The following RYR1 variants were observed in gnomAD, a reference collection of about 807,000 sequenced individuals.
The protein encoded by RYR1 is central core disease of muscle.
In RYR1, 342 loss-of-function variants were observed where a neutral mutation model predicts 583.5. The observed-to-expected ratio is 0.59, with a 90% confidence interval of 0.54 to 0.64. The LOEUF (loss-of-function observed/expected upper bound fraction) is 0.64. Ranked by LOEUF, RYR1 falls within the 30% of genes least tolerant of loss-of-function variation. RYR1 has a pLI of 0.00. For missense variants in RYR1, 6,032 were observed against 6,917.2 expected (o/e 0.87, Z 4.54); for synonymous variants, 2,791 against 2,822.5 (o/e 0.99, Z 0.35).
chr19:38,565,465 C>T lies in RYR1; in HGVS notation c.13131C>T (p.Thr4377=), dbSNP rs1225953721. ...LVEGAKKVTV[T]ELLAGMPDPT... ...AGGGCGCCAAGAAGGTGACGGTGAC[C>T]GAGCTCCTGGCAGGCATGCCCGACC... Residue 4377 remains threonine (T), a synonymous_variant, in exon 91 of 106, where the codon ACC becomes ACT. Transcript: ENST00000359596. The surrounding 1 kb of genome is among the most constrained non-coding windows in gnomAD (Gnocchi z 4.7). 9 of 1,502,586 alleles carry T rather than the reference C, an allele frequency of 6.0e-6. No homozygotes were observed. The highest frequency in any genetic ancestry group is 1.2e-5 in the South Asian group (1 of 80,706). The allele number at this position is 1,502,586 out of a possible 1,614,324, so 93.1% of individuals were successfully genotyped here.
At chr19:38,458,316 C>T in intron 18 of RYR1, 24 bp downstream of exon 18, 8 of 1,608,126 alleles carry the variant, frequency 5.0e-6, no homozygotes, top group Non-Finnish European at 6.8e-6. Flanking sequence ...TCCAGGGGAC[C>T]CTCACCCCTG....
rs745595509 is a variant in RYR1, at chr19:38,548,297, T to C, written c.12159T>C (p.Asn4053=). The change falls in exon 89 of 106, where the codon AAT becomes AAC. Residue 4053 remains asparagine (N), a synonymous_variant. Coordinates refer to ENST00000359596, the MANE Select transcript of RYR1 (RefSeq NM_000540.3). ...MVDMLVESSS[N]VEMILKFFDM... The stretch of plus-strand genomic sequence containing the variant: ...ACATGCTCGTGGAATCCTCATCCAA[T>C]GTGGAGATGATCCTCAAGTTCTTCG... 2.0e-5 allele frequency: 32 copies of C among 1,614,080 alleles called. No individual in the cohort carries two copies. The highest frequency in any genetic ancestry group is 2.7e-5 in the African/African-American group (2 of 74,928).
rs1411042802 is a variant in RYR1, at chr19:38,473,717, C to T, written c.4106C>T (p.Pro1369Leu). 6.5e-7 allele frequency: 1 copy of T among 1,547,848 alleles called. No homozygotes were observed. The highest frequency in any genetic ancestry group is 1.4e-5 in the African/African-American group (1 of 72,890). Residue 1369 changes from proline to leucine, a missense_variant, in exon 28 of 106, where the codon CCC becomes CTC. This residue lies in a region of RYR1 where 2,627 missense variants were observed against 2,961.3 expected (regional missense o/e 0.89). Coordinates refer to ENST00000359596, the MANE Select transcript of RYR1 (RefSeq NM_000540.3). Reference protein sequence around the residue: ...GTPQAGGEAQPARAENEKDAT... With the variant: ...GTPQAGGEAQLARAENEKDAT... The stretch of plus-strand genomic sequence containing the variant: ...CCGCAGGCGGGGGGAGAGGCGCAGC[C>T]CGCCAGGGCGGAGAATGAGAAGGAT...
intron 84 of RYR1, among the ~76,000 whole-genome samples, chr19:38,538,355 G>A (rs372655730): frequency 5.3e-5 from 8 of 152,054 alleles, no homozygotes; most frequent in South Asian, 4.1e-4. Context: ...AGCCAAGATC[G>A]CACCATTGCA....
In RYR1 at chr19:38,444,364, C is replaced by G. The variant is rs1972837681; in HGVS notation, c.537+103C>G. 1 of 1,006,200 alleles carries G rather than the reference C, an allele frequency of 9.9e-7. No individual in the cohort carries two copies. Among genetic ancestry groups the G allele is most frequent in the Middle Eastern group, 2.5e-4 (1 of 4,038 alleles). The allele number at this position is 1,006,200 out of a possible 1,614,324, so 62.3% of individuals were successfully genotyped here. On this transcript the variant is annotated intron_variant, in intron 6 of 105. Transcript: ENST00000359596. The surrounding 1 kb of genome is among the most constrained non-coding windows in gnomAD (Gnocchi z 5.1). ...CTGGCTGATCTCCCACCCCCAAGGTCCTGACTCCCAATTTCCCATTTCCTG... is the reference window on the plus strand; with the variant it reads ...CTGGCTGATCTCCCACCCCCAAGGTGCTGACTCCCAATTTCCCATTTCCTG...
At position 38,532,471 on chromosome 19, in the gene RYR1, C is replaced by T. The variant is rs747769383; in HGVS notation, c.11142-19C>T. On this transcript the variant is annotated intron_variant, in intron 76 of 105. Coordinates refer to ENST00000359596, the MANE Select transcript of RYR1 (RefSeq NM_000540.3). ...TCCTCTCCACCGGGTCCTGACCACT[C>T]CCCTGCTTACTTCCCCAGCAAACTG... 2.8e-5 allele frequency: 45 copies of T among 1,614,086 alleles called. No homozygotes were observed. In the South Asian group the frequency reaches 4.9e-4, roughly 18 times the overall value.
intron 11 of RYR1, 148 bp downstream of exon 11, chr19:38,448,961 G>A: frequency 1.3e-6 from 1 of 764,062 alleles, no homozygotes; most frequent in Non-Finnish European, 2.2e-6. Flanking sequence ...ACTGAGGGGT[G>A]GTGCTTGAGA....
At position 38,516,132 on chromosome 19, in the gene RYR1, C is replaced by A. The variant is rs570242602; in HGVS notation, c.9600C>A (p.Ala3200=). 5 of 1,551,182 alleles carry A rather than the reference C, an allele frequency of 3.2e-6. No homozygotes were observed. In the African/African-American group the frequency reaches 5.5e-5, roughly 17 times the overall value. Residue 3200 remains alanine (A), a synonymous_variant, in exon 65 of 106, where the codon GCC becomes GCA. Transcript: ENST00000359596. ...AGTGCCTGGCCCGTCTGGCAGCAGC[C>A]ATGCCGGTGGCGTTCCTGGAGCCGC... ...LGECLARLAA[A]MPVAFLEPQL... is the part of the protein sequence containing the mutation.
intron 67 of RYR1, among the ~76,000 whole-genome samples, chr19:38,521,908 C>T (rs1475804202): frequency 6.6e-6 from 1 of 151,812 alleles, no homozygotes; most frequent in Non-Finnish European, 1.5e-5. Context: ...TGAGGTTTCA[C>T]CGTGTTAGCC....
Position 38,489,254 on chromosome 19 carries a change from A to C in RYR1, c.5625A>C (p.Glu1875Asp), listed in dbSNP as rs1568488280. 7 of 1,613,148 alleles carry C rather than the reference A, an allele frequency of 4.3e-6. No homozygotes were observed. The South Asian group carries it at 7.7e-5, about 18-fold the overall frequency. Residue 1875 changes from glutamate (E) to aspartate (D), a missense_variant, in exon 35 of 106, where the codon GAA (glutamate) becomes GAC (aspartate). Around this residue, in one of 11 missense-constraint regions of RYR1, gnomAD observed 2,627 missense variants for 2,961.3 expected, o/e 0.89. Coordinates refer to ENST00000359596, the MANE Select transcript of RYR1 (RefSeq NM_000540.3). Reference protein sequence around the residue: ...MIEPEVFTEEEEEEDEEEEGE... With the variant: ...MIEPEVFTEEDEEEDEEEEGE... Reference sequence around the variant, plus strand: ...AGCCTGAGGTCTTCACTGAGGAAGAAGAGGAGGAGGACGAGGAGGAAGAGG... The same window carrying C: ...AGCCTGAGGTCTTCACTGAGGAAGACGAGGAGGAGGACGAGGAGGAAGAGG...
At chr19:38,545,717 A>C (rs916239971) in intron 87 of RYR1, among the ~76,000 whole-genome samples, 1 of 152,186 alleles carries the variant, frequency 6.6e-6, no homozygotes, top group Non-Finnish European at 1.5e-5. Context: ...AGGCTTAGGC[A>C]GGGGAATTGC....
In RYR1 at chr19:38,477,884, G is replaced by A. The variant is rs773052225; in HGVS notation, c.4454+14G>A. ...CGTCCACAGCAGGTGCCGGGGCTGGGGGGAGGTGGGAGGTGCAGGGTGGGG... is the reference window on the plus strand; with the variant it reads ...CGTCCACAGCAGGTGCCGGGGCTGGAGGGAGGTGGGAGGTGCAGGGTGGGG... On this transcript the variant is annotated intron_variant, in intron 30 of 105. Transcript: ENST00000359596. 24 of 1,605,022 alleles carry A rather than the reference G, an allele frequency of 1.5e-5. No individual in the cohort carries two copies. In the South Asian group the frequency reaches 2.6e-4, roughly 18 times the overall value.
Position 38,483,308 on chromosome 19 carries a change from G to T in RYR1, c.4726G>T (p.Ala1576Ser). The T allele has an allele frequency of 6.4e-7, 1 of 1,559,916 alleles. No individual in the cohort carries two copies. The change falls in exon 33 of 106, where the codon GCC (alanine) becomes TCC (serine). Residue 1576 changes from alanine to serine, a missense_variant. By Grantham distance (99) the Ala-to-Ser change is moderately conservative. Transcript: ENST00000359596. The surrounding 1 kb of genome is among the most constrained non-coding windows in gnomAD (Gnocchi z 6.3). Reference protein sequence around the residue: ...GKQKNIMPLSAAMFQSERKNP... With the variant: ...GKQKNIMPLSSAMFQSERKNP... ...CCCTCAGAACATCATGCCGTTGTCA[G>T]CCGCCATGTTCCAAAGCGAGCGCAA...
rs3745844 is a variant in RYR1 at position 38,451,608 on chromosome 19, G to A, written c.1123-156G>A. On this transcript the variant is annotated intron_variant, in intron 11 of 105. Transcript: ENST00000359596. ...GAGAATCAAAGACACAGAGGAGACA[G>A]ATGACGGGGGACAGAAAAATGAGGA... 0.19 allele frequency among the ~76,000 whole-genome samples: 29,545 copies of A among 152,006 alleles called. 3,064 individuals are homozygous for A. Among genetic ancestry groups the A allele is most frequent in the East Asian group, 0.34 (1,750 of 5,158 alleles).
intron 89 of RYR1, among the ~76,000 whole-genome samples, chr19:38,559,720 G>A (rs899398268): frequency 6.6e-6 from 1 of 152,092 alleles, no homozygotes; most frequent in African/African-American, 2.4e-5. Flanking sequence ...AAGTTCTGGG[G>A]TTTTTACAAA....
chr19:38,524,636 G>A (rs754178345), intron 70 of RYR1, among the ~76,000 whole-genome samples: 6 of 152,240 alleles, frequency 3.9e-5, no homozygotes, highest in Non-Finnish European at 5.9e-5. Context: ...TCCAGAACAC[G>A]GCTGTGGGAC....
At chr19:38,440,888 C>A in intron 2 of RYR1, 24 bp downstream of exon 2, 1 of 1,605,388 alleles carries the variant, frequency 6.2e-7, no homozygotes, top group Non-Finnish European at 8.5e-7. Flanking sequence ...GGAGAGGGGC[C>A]TGGGGACAGG....
chr19:38,466,453 C>G (rs1428955004), intron 24 of RYR1, 55 bp downstream of exon 24: 1 of 1,500,778 alleles, frequency 6.7e-7, no homozygotes, highest in Non-Finnish European at 9.0e-7. Context: ...CTGACCCCAG[C>G]CCCGATCCCT....
At chr19:38,519,620 CCAA>C (rs1971134153) in intron 67 of RYR1, among the ~76,000 whole-genome samples, 166 bp downstream of exon 67, 1 of 152,138 alleles carries the variant, frequency 6.6e-6, no homozygotes, top group Admixed American at 6.6e-5. Context: ...GCACATTGGT[CCAA>C]CGACAGCCAG....
Sources: gnomAD v4.1 joint callset for allele counts (sites outside exome capture counted in the v4.1 genomes callset) on GRCh38, gnomAD v4.1.1 for gene constraint, gnomAD v4.1.1 regional missense constraint, Gnocchi (gnomAD v3.1) non-coding constraint, MANE v1.5 for transcripts, NCBI Gene and HGNC (gene_info 2026-07-23, HGNC 2026-07-21) for gene names.